DIXDC1: variants seen among roughly 807,000 people sequenced by gnomAD.
DIXDC1 encodes the protein dixin.
A neutral mutation model predicts 103.1 loss-of-function variants in DIXDC1; 64 were observed. The ratio of observed to expected loss-of-function variants is 0.62; its 90% CI spans 0.51 to 0.76. The LOEUF is 0.76. DIXDC1 is among the 30% of genes least tolerant of loss of function. The pLI, the probability that DIXDC1 is intolerant of heterozygous loss-of-function variation, is 0.00. For synonymous variants in DIXDC1, 266 were observed against 298.5 expected (o/e 0.89, Z 1.12); for missense variants, 759 against 834.2 (o/e 0.91, Z 1.11).
Position 111,982,337 on chromosome 11 carries a change from A to G in DIXDC1, c.770-2A>G. The G allele has an allele frequency of 6.2e-7, 1 of 1,610,078 alleles. No individual in the cohort carries two copies. Among genetic ancestry groups the G allele is most frequent in the Non-Finnish European group, 8.5e-7 (1 of 1,178,910 alleles). On this transcript the variant is annotated splice_acceptor_variant, in intron 6 of 19. Transcript: ENST00000440460. LOFTEE classifies it high-confidence loss of function. ...ACTGTACTCCCTCTTTTCATTTTTT[A>G]GAAGGGACAGATTCTCCATTATCTC...
Position 111,964,538 on chromosome 11 carries a change from T to C in DIXDC1, c.61-11T>C. ...GCTCTCTTTCCCTTACTTATATCTT[T>C]TATTTTCCAGCAACAGCTGCAGGCC... On this transcript the variant is annotated splice_polypyrimidine_tract_variant and intron_variant, in intron 1 of 19. Coordinates refer to ENST00000440460, the MANE Select transcript of DIXDC1 (RefSeq NM_001037954.4). 1 of 1,584,602 alleles carries C rather than the reference T, an allele frequency of 6.3e-7. No individual in the cohort carries two copies. The highest frequency in any genetic ancestry group is 1.1e-5 in the South Asian group (1 of 87,302).
chr11:112,002,898 A>C (rs587621235), intron 17 of DIXDC1, among the ~76,000 whole-genome samples: 1 of 152,360 alleles, frequency 6.6e-6, no homozygotes, highest in Non-Finnish European at 1.5e-5. Flanking sequence ...GAATATTATT[A>C]TTCAGCTATA....
At chr11:111,983,212 C>T (rs1860376261) in intron 7 of DIXDC1, among the ~76,000 whole-genome samples, 2 of 152,184 alleles carry the variant, frequency 1.3e-5, no homozygotes, top group African/African-American at 2.4e-5. Flanking sequence ...AACTGCAGTG[C>T]TTCTGAATTG....
intron 1 of DIXDC1, among the ~76,000 whole-genome samples, chr11:111,949,153 A>T (rs1376586549): frequency 6.6e-6 from 1 of 152,168 alleles, no homozygotes; most frequent in Non-Finnish European, 1.5e-5. Flanking sequence ...GGCATGTAGT[A>T]AGTGCTTGGT....
chr11:111,988,952 A>G, intron 9 of DIXDC1, 53 bp from the exon 10 acceptor site: 1 of 1,535,170 alleles, frequency 6.5e-7, no homozygotes, highest in Non-Finnish European at 8.9e-7. Flanking sequence ...GAGGTAATGC[A>G]TTCTGAAGCA....
At position 111,995,409 on chromosome 11, in the gene DIXDC1, G is replaced by A. The variant is rs372805703; in HGVS notation, c.1534G>A (p.Asp512Asn). ...ACCTTATTTTTGCCCACAGACCAGC[G>A]ACCTGCAGCTTGTTCGAGATGCTCT... is the stretch of plus-strand genomic sequence containing the variant. ...ATSVSNRGTSDLQLVRDALRS... is the reference protein window; with the variant it reads ...ATSVSNRGTSNLQLVRDALRS... Residue 512 changes from aspartate (D) to asparagine (N), a missense_variant, in exon 16 of 20, where the codon GAC becomes AAC. Transcript: ENST00000440460. 17 of 1,612,026 alleles carry A rather than the reference G, an allele frequency of 1.1e-5. No homozygotes were observed. The East Asian group carries it at 1.1e-4, about 11-fold the overall frequency.
At chr11:112,016,044 C>G (rs1400409546) in intron 17 of DIXDC1, 2 of 151,288 alleles carry the variant, frequency 1.3e-5, no homozygotes, top group African/African-American at 4.9e-5. Flanking sequence ...CTCCTGACCT[C>G]GTGATCCACC....
chr11:111,988,829 GT>G, intron 9 of DIXDC1, 175 bp from the exon 10 acceptor site: 1 of 461,032 alleles, frequency 2.2e-6, no homozygotes, highest in African/African-American at 2.0e-5. Flanking sequence ...TTCTCTTCTT[GT>G]TTCTGTGGAT....
intron 1 of DIXDC1, among the ~76,000 whole-genome samples, chr11:111,961,755 C>T (rs1592568485): frequency 6.6e-6 from 1 of 152,182 alleles, no homozygotes; most frequent in South Asian, 2.1e-4. Flanking sequence ...CTTTTGCAGT[C>T]ATCTTAGTTA....
intron 17 of DIXDC1, among the ~76,000 whole-genome samples, chr11:112,005,892 C>T (rs1349905170): frequency 6.6e-6 from 1 of 152,100 alleles, no homozygotes; most frequent in Non-Finnish European, 1.5e-5. Context: ...ATAATCCCAG[C>T]ACTTTGGGAG....
rs1397605225 is a variant in DIXDC1, at chr11:112,019,086, C to T, written c.*50C>T. 3.3e-6 allele frequency: 5 copies of T among 1,511,720 alleles called. No homozygotes were observed. The Admixed American group carries it at 8.9e-5, about 27-fold the overall frequency. The allele number at this position is 1,511,720 out of a possible 1,614,324, so 93.6% of individuals were successfully genotyped here. ...ATGGAACCTGGTCACTCCCTGGCTG[C>T]TTCACTCAGGAAAGGGAACTAAAAC... On this transcript the variant is annotated 3_prime_UTR_variant, in exon 20 of 20. Coordinates refer to ENST00000440460, the MANE Select transcript of DIXDC1 (RefSeq NM_001037954.4).
Position 111,989,012 on chromosome 11 carries a change from T to C in DIXDC1, c.1070T>C (p.Leu357Pro). 1 of 1,611,312 alleles carries C rather than the reference T, an allele frequency of 6.2e-7. No individual in the cohort carries two copies. The highest frequency in any genetic ancestry group is 8.5e-7 in the Non-Finnish European group (1 of 1,178,876). Residue 357 changes from leucine (L) to proline (P), a missense_variant, in exon 10 of 20, where the codon CTG becomes CCG. By Grantham distance (98) the Leu-to-Pro change is moderately conservative. This residue lies in a region of DIXDC1 where 657 missense variants were observed against 727.5 expected (regional missense o/e 0.90). Coordinates refer to ENST00000440460, the MANE Select transcript of DIXDC1 (RefSeq NM_001037954.4). ...MEENQDLKKE[L>P]LKCKQEARNL... Reference sequence around the variant, plus strand: ...ACTATATTTGGTTTGCAGAAGGAACTGCTGAAATGTAAACAAGAAGCCAGA... The same window carrying C: ...ACTATATTTGGTTTGCAGAAGGAACCGCTGAAATGTAAACAAGAAGCCAGA...
At chr11:112,012,819 A>G (rs1414787382) in intron 17 of DIXDC1, among the ~76,000 whole-genome samples, 6 of 152,168 alleles carry the variant, frequency 3.9e-5, no homozygotes, top group Admixed American at 2.6e-4. Context: ...AGTCTATGCA[A>G]TCCAACTCAT....
intron 17 of DIXDC1, among the ~76,000 whole-genome samples, chr11:111,999,648 T>A (rs1861005391): frequency 6.6e-6 from 1 of 152,152 alleles, no homozygotes; most frequent in Admixed American, 6.5e-5. Flanking sequence ...GTGTATCACC[T>A]GAGGTTGGGA....
chr11:111,964,787 A>G, intron 2 of DIXDC1, 109 bp downstream of exon 2: 1 of 1,337,018 alleles, frequency 7.5e-7, no homozygotes, highest in South Asian at 1.6e-5. Context: ...AATATATGGC[A>G]GTAGAGGTAG....
chr11:112,007,203 A>G lies in DIXDC1; in HGVS notation c.1757-9488A>G, dbSNP rs368247455. Among the ~76,000 whole-genome samples, 126 of 152,342 alleles carry G rather than the reference A, an allele frequency of 8.3e-4. No homozygotes were observed. In the South Asian group the frequency reaches 0.025, roughly 30 times the overall value. Reference sequence around the variant, plus strand: ...AATGCGATCAAGTGGAAGAAAGGGTATCAGTGATTGAAGATCAAATTAATG... The same window carrying G: ...AATGCGATCAAGTGGAAGAAAGGGTGTCAGTGATTGAAGATCAAATTAATG... On this transcript the variant is annotated intron_variant, in intron 17 of 19. Coordinates refer to ENST00000440460, the MANE Select transcript of DIXDC1 (RefSeq NM_001037954.4).
chr11:112,004,848 A>T (rs587640274), intron 17 of DIXDC1, among the ~76,000 whole-genome samples: 1 of 152,172 alleles, frequency 6.6e-6, no homozygotes, highest in African/African-American at 2.4e-5. Flanking sequence ...CTTCTGACCA[A>T]ATTAACTCAA....
At chr11:111,957,936 C>A (rs587639718) in intron 1 of DIXDC1, among the ~76,000 whole-genome samples, 2 of 152,238 alleles carry the variant, frequency 1.3e-5, no homozygotes, top group Non-Finnish European at 2.9e-5. Flanking sequence ...CGGGGCGGCA[C>A]GCTCCACAGA....
chr11:111,993,712 C>T lies in DIXDC1; in HGVS notation c.1409C>T (p.Ala470Val), dbSNP rs185097614. 36 of 1,614,028 alleles carry T rather than the reference C, an allele frequency of 2.2e-5. No individual in the cohort carries two copies. In the African/African-American group the frequency reaches 3.3e-4, roughly 15 times the overall value. ...CTAGAACACAAAGATGTCCTCTTGG[C>T]TCACTGTATGAAAAGAGAGGCAGAT... is the stretch of plus-strand genomic sequence containing the variant. ...RELEHKDVLLAHCMKREADEA... is the reference protein window; with the variant it reads ...RELEHKDVLLVHCMKREADEA... Residue 470 changes from alanine (A) to valine (V), a missense_variant, in exon 14 of 20, where the codon GCT becomes GTT. Around this residue, in one of 3 missense-constraint regions of DIXDC1, gnomAD observed 657 missense variants for 727.5 expected, o/e 0.90. Transcript: ENST00000440460.
Sources: allele counts gnomAD v4.1 joint callset (sites outside exome capture counted in the v4.1 genomes callset), GRCh38; gene constraint gnomAD v4.1.1; regional missense constraint gnomAD v4.1.1; transcripts MANE v1.5; gene names NCBI Gene and HGNC (gene_info 2026-07-23, HGNC 2026-07-21).